Variants in MYO3B observed in about 807,000 individuals in gnomAD.
MYO3B encodes the protein myosin-IIIb.
A neutral mutation model predicts 174.6 loss-of-function variants in MYO3B; 156 were observed. The observed-to-expected ratio is 0.89, with a 90% CI of 0.78 to 1.02. The LOEUF (loss-of-function observed/expected upper bound fraction) is 1.02. Ranked by LOEUF, MYO3B falls within the 50% of genes least tolerant of loss-of-function variation. The probability of loss-of-function intolerance (pLI) is 0.00; values close to 1 mark genes in which losing one functional copy is unlikely to be tolerated. For missense variants in MYO3B, 1,632 were observed against 1,639.4 expected, an observed-to-expected ratio of 1.00 and a Z score of 0.08; for synonymous variants, 563 against 569.1, an observed-to-expected ratio of 0.99 and a Z score of 0.15.
At chr2:170,418,192 G>A (rs1254157244) in intron 22 of MYO3B, among the ~76,000 whole-genome samples, 1 of 152,178 alleles carries the variant, frequency 6.6e-6, no homozygotes, top group East Asian at 1.9e-4. Flanking sequence ...AAAGAGCTAG[G>A]GAGCCCTGGT....
chr2:170,345,310 C>T (rs2094007897), intron 8 of MYO3B: 1 of 152,106 alleles, frequency 6.6e-6, no homozygotes, highest in South Asian at 2.1e-4. Flanking sequence ...AAATTTATAA[C>T]AGAAAATTTA....
intron 19 of MYO3B, among the ~76,000 whole-genome samples, 166 bp from the exon 20 acceptor site, chr2:170,404,081 C>CT (rs1211494615): frequency 6.6e-6 from 1 of 152,178 alleles, no homozygotes; most frequent in East Asian, 1.9e-4. Flanking sequence ...AAGTGCACAG[C>CT]TTTAATGGTG....
chr2:170,612,858 G>C (rs1279960637), intron 32 of MYO3B, among the ~76,000 whole-genome samples: 2 of 152,204 alleles, frequency 1.3e-5, no homozygotes, highest in African/African-American at 4.8e-5. Flanking sequence ...ATGACCCACG[G>C]AAGATGTCTC....
chr2:170,507,262 C>G (rs553739487), intron 28 of MYO3B, among the ~76,000 whole-genome samples: 2 of 152,188 alleles, frequency 1.3e-5, no homozygotes, highest in African/African-American at 2.4e-5. Flanking sequence ...CCTACCCCCC[C>G]ATCTTCTAAA....
chr2:170,215,507 TCA>T, intron 5 of MYO3B, among the ~76,000 whole-genome samples: 1 of 152,196 alleles, frequency 6.6e-6, no homozygotes, highest in South Asian at 2.1e-4. Flanking sequence ...CAATAGTACT[TCA>T]GAGTCATTGT....
At chr2:170,595,422 T>G (rs1694082876) in intron 32 of MYO3B, among the ~76,000 whole-genome samples, 1 of 152,090 alleles carries the variant, frequency 6.6e-6, no homozygotes, top group Non-Finnish European at 1.5e-5. Flanking sequence ...TGTTTACTGT[T>G]ATTCTCTAAG....
At chr2:170,584,092 G>A (rs753487704) in intron 32 of MYO3B, among the ~76,000 whole-genome samples, 2 of 152,212 alleles carry the variant, frequency 1.3e-5, no homozygotes. Flanking sequence ...ACACCCAGAT[G>A]TAGAGAATGT....
intron 32 of MYO3B, chr2:170,646,890 T>C: frequency 7.4e-7 from 1 of 1,349,264 alleles, no homozygotes; most frequent in Non-Finnish European, 9.9e-7. Context: ...TAACTATATT[T>C]CTCTGTCTCT....
intron 32 of MYO3B, among the ~76,000 whole-genome samples, chr2:170,563,094 T>C (rs1157830037): frequency 7.9e-6 from 1 of 126,330 alleles, no homozygotes; most frequent in Non-Finnish European, 1.7e-5. Context: ...ACACATACAC[T>C]CTTTCTCTCT....
intron 8 of MYO3B, chr2:170,346,490 A>G (rs1216415463): frequency 1.3e-5 from 2 of 152,188 alleles, no homozygotes; most frequent in Non-Finnish European, 2.9e-5. Flanking sequence ...ATATGACACC[A>G]TAAAACAATC....
chr2:170,408,172 A>G (rs1325521935), intron 22 of MYO3B, among the ~76,000 whole-genome samples: 8 of 152,176 alleles, frequency 5.3e-5, no homozygotes, highest in Admixed American at 5.2e-4. Context: ...TAAGCAATCT[A>G]GGATAGTCTC....
intron 32 of MYO3B, among the ~76,000 whole-genome samples, chr2:170,647,211 T>C (rs1462676628): frequency 6.6e-6 from 1 of 152,170 alleles, no homozygotes; most frequent in Non-Finnish European, 1.5e-5. Context: ...TTTTAAAAAC[T>C]AAACAATTTG....
intron 32 of MYO3B, among the ~76,000 whole-genome samples, chr2:170,603,964 C>T (rs929783543): frequency 6.6e-6 from 1 of 152,156 alleles, no homozygotes; most frequent in African/African-American, 2.4e-5. Context: ...CAATTTTTTA[C>T]CACTGTGTTA....
chr2:170,221,738 A>C (rs1273053278), intron 6 of MYO3B, among the ~76,000 whole-genome samples: 3 of 129,482 alleles, frequency 2.3e-5, no homozygotes, highest in African/African-American at 7.4e-5. Context: ...AGATCAGTAG[A>C]ATTTTTTTTT....
intron 8 of MYO3B, among the ~76,000 whole-genome samples, chr2:170,366,609 C>T (rs374645162): frequency 6.6e-6 from 1 of 152,278 alleles, no homozygotes; most frequent in East Asian, 1.9e-4. Flanking sequence ...TCTTCTTGAT[C>T]ATTGCTTCCA....
chr2:170,383,028 G>A (rs1221597829), intron 10 of MYO3B, 45 bp from the exon 11 acceptor site: 1 of 1,210,182 alleles, frequency 8.3e-7, no homozygotes, highest in Admixed American at 1.8e-5. Flanking sequence ...TCTATCCCTT[G>A]ACTGGGAATA....
At chr2:170,308,262 A>G (rs114516314) in intron 7 of MYO3B, among the ~76,000 whole-genome samples, 1,985 of 152,332 alleles carry the variant, frequency 0.013, 13 homozygotes, top group Middle Eastern at 0.037. Flanking sequence ...GGATGTTGTA[A>G]TTGCTGTAGG....
chr2:170,398,440 T>TAACC, intron 16 of MYO3B, among the ~76,000 whole-genome samples: 1 of 152,150 alleles, frequency 6.6e-6, no homozygotes, highest in African/African-American at 2.4e-5. Context: ...CATGATTGGT[T>TAACC]AATCATTGAC....
In MYO3B at chr2:170,590,086, T is replaced by C. The variant is rs539610878; in HGVS notation, c.3733+46098T>C. 2.6e-5 allele frequency among the ~76,000 whole-genome samples: 4 copies of C among 152,332 alleles called. No homozygotes were observed. In the South Asian group the frequency reaches 6.2e-4, roughly 24 times the overall value. On this transcript the variant is annotated intron_variant, in intron 32 of 34. Transcript: ENST00000408978. Reference sequence around the variant, plus strand: ...TGTCTAGGTTTGTGTAAGTACTCTATGAAGTTTACACAATAACAAAATCAC... The same window carrying C: ...TGTCTAGGTTTGTGTAAGTACTCTACGAAGTTTACACAATAACAAAATCAC...
Sources: allele counts gnomAD v4.1 joint callset (sites outside exome capture counted in the v4.1 genomes callset), GRCh38; gene constraint gnomAD v4.1.1; transcripts MANE v1.5; gene names NCBI Gene and HGNC (gene_info 2026-07-23, HGNC 2026-07-21).